Variants in KCTD8 observed in about 807,000 individuals in gnomAD.
KCTD8 encodes the protein potassium channel tetramerization domain containing 8, also known as BTB/POZ domain-containing protein KCTD8.
Under a neutral mutation model 31.5 loss-of-function variants are expected in KCTD8, and 27 were observed. The observed-to-expected ratio is 0.86, with a 90% CI of 0.63 to 1.18. The LOEUF (loss-of-function observed/expected upper bound fraction) is 1.18, where lower values mean the gene tolerates loss of function less well. KCTD8 is among the 50% of genes most tolerant of loss of function. The pLI is 0.00. For synonymous variants in KCTD8, 290 were observed against 280.0 expected (o/e 1.04, Z -0.36); for missense variants, 658 against 647.7 (o/e 1.02, Z -0.17).
At chr4:44,272,955 T>A (rs559957001) in intron 1 of KCTD8, among the ~76,000 whole-genome samples, 7 of 152,142 alleles carry the variant, frequency 4.6e-5, no homozygotes, top group African/African-American at 1.7e-4. Context: ...AAATAGTTCT[T>A]ATGGGGAAGA....
intron 1 of KCTD8, among the ~76,000 whole-genome samples, chr4:44,334,286 T>C (rs916163142): frequency 6.6e-6 from 1 of 152,116 alleles, no homozygotes. Context: ...ACAGTACACA[T>C]TCTGGTTATA....
intron 1 of KCTD8, among the ~76,000 whole-genome samples, chr4:44,396,500 AT>A (rs1466698055): frequency 2.0e-5 from 3 of 151,670 alleles, no homozygotes; most frequent in Non-Finnish European, 4.4e-5. Context: ...GATACTTGCC[AT>A]TTTGTTTCTT....
chr4:44,430,903 G>T (rs1553907623), intron 1 of KCTD8, among the ~76,000 whole-genome samples: 1 of 151,112 alleles, frequency 6.6e-6, no homozygotes. Context: ...AGCCCTGATG[G>T]TTATTTCTCT....
At chr4:44,184,355 T>C (rs1193857758) in intron 1 of KCTD8, among the ~76,000 whole-genome samples, 2 of 152,158 alleles carry the variant, frequency 1.3e-5, no homozygotes, top group Non-Finnish European at 2.9e-5. Flanking sequence ...TGAGGAAAAA[T>C]TGAACTCATT....
intron 1 of KCTD8, among the ~76,000 whole-genome samples, chr4:44,314,892 GA>G (rs79225319): frequency 0.068 from 9,632 of 141,230 alleles, 417 homozygotes; most frequent in Admixed American, 0.16. Context: ...AAAAAAACAG[GA>G]AAAAAAAAAA....
intron 1 of KCTD8, among the ~76,000 whole-genome samples, chr4:44,196,109 C>T (rs1391030508): frequency 6.6e-6 from 1 of 152,182 alleles, no homozygotes; most frequent in Non-Finnish European, 1.5e-5. Context: ...CTAGAACTTG[C>T]TTGAATGCAG....
At position 44,447,949 on chromosome 4, in the gene KCTD8, G is replaced by A. The variant is rs778853493; in HGVS notation, c.575C>T (p.Ala192Val). 2.5e-5 allele frequency: 37 copies of A among 1,498,168 alleles called. No homozygotes were observed. Among genetic ancestry groups the A allele is most frequent in the Middle Eastern group, 1.7e-4 (1 of 5,718 alleles). The allele number at this position is 1,498,168 out of a possible 1,614,324, so 92.8% of individuals were successfully genotyped here. A position where few individuals can be genotyped will look rare whatever the true frequency, so the allele number is the denominator to read the frequency against. The change falls in exon 1 of 2, where the codon GCG becomes GTG. Residue 192 changes from alanine to valine, a missense_variant. Ala to Val is a moderately conservative substitution (Grantham distance 64, BLOSUM62 0). Transcript: ENST00000360029. The stretch of plus-strand genomic sequence containing the variant: ...GCCGCCGCCGCCGCCACCACCGTGC[G>A]CTCCCGGGCCCGAGGGCACGGCGGC... Reference protein sequence around the residue: ...AAAAVPSGPGAHGGGGGGGAQ... With the variant: ...AAAAVPSGPGVHGGGGGGGAQ...
At chr4:44,281,385 A>G (rs1316783162) in intron 1 of KCTD8, among the ~76,000 whole-genome samples, 2 of 152,098 alleles carry the variant, frequency 1.3e-5, no homozygotes, top group Non-Finnish European at 2.9e-5. Context: ...ACAGATTTAG[A>G]AGAAATACAT....
chr4:44,310,768 A>G (rs532164388), intron 1 of KCTD8, among the ~76,000 whole-genome samples: 82 of 152,274 alleles, frequency 5.4e-4, no homozygotes, highest in African/African-American at 1.9e-3. Flanking sequence ...AACCTATTTC[A>G]GTGTCTGAGA....
chr4:44,446,210 A>G (rs934728492), intron 1 of KCTD8, among the ~76,000 whole-genome samples: 15 of 152,186 alleles, frequency 9.9e-5, no homozygotes, highest in African/African-American at 3.6e-4. Flanking sequence ...TTAAGCTTGC[A>G]CCTGTGCAAG....
chr4:44,277,722 C>T (rs1451721620), intron 1 of KCTD8, among the ~76,000 whole-genome samples: 2 of 151,818 alleles, frequency 1.3e-5, no homozygotes, highest in African/African-American at 4.8e-5. Context: ...ATTTTACGTG[C>T]ATCATTATTT....
intron 1 of KCTD8, among the ~76,000 whole-genome samples, chr4:44,212,327 T>C (rs984991854): frequency 2.0e-5 from 3 of 152,222 alleles, no homozygotes; most frequent in African/African-American, 2.4e-5. Flanking sequence ...GGAGGGTACA[T>C]AGGACCTCTC....
intron 1 of KCTD8, among the ~76,000 whole-genome samples, chr4:44,245,786 C>A (rs994517577): frequency 3.3e-5 from 5 of 151,822 alleles, no homozygotes; most frequent in African/African-American, 4.8e-5. Flanking sequence ...GAAAAAGCAG[C>A]TAACTCTTAT....
intron 1 of KCTD8, among the ~76,000 whole-genome samples, chr4:44,338,365 C>T (rs945001464): frequency 2.0e-5 from 3 of 151,908 alleles, no homozygotes; most frequent in South Asian, 2.1e-4. Flanking sequence ...TGAAATATAC[C>T]TAAGAGAAAG....
chr4:44,264,346 C>A (rs79620850), intron 1 of KCTD8, among the ~76,000 whole-genome samples: 3,497 of 152,190 alleles, frequency 0.023, 147 homozygotes, highest in African/African-American at 0.08. Flanking sequence ...ATTTAAATCA[C>A]TTAATAGAGC....
intron 1 of KCTD8, among the ~76,000 whole-genome samples, chr4:44,434,904 G>A (rs1053117952): frequency 7.2e-5 from 11 of 151,826 alleles, no homozygotes; most frequent in Admixed American, 7.2e-4. Context: ...GTCATTCATG[G>A]GATTTTGTGG....
chr4:44,366,417 T>G (rs1401253650), intron 1 of KCTD8, among the ~76,000 whole-genome samples: 3 of 152,200 alleles, frequency 2.0e-5, no homozygotes, highest in African/African-American at 4.8e-5. Context: ...TGTATGGCAC[T>G]TCCCCCTTCG....
chr4:44,382,730 C>CAAAAAAAAAAAAAAAAA (rs34629884), intron 1 of KCTD8, among the ~76,000 whole-genome samples: 1 of 138,480 alleles, frequency 7.2e-6, no homozygotes. Flanking sequence ...AACTCCATTT[C>CAAAAAAAAAAAAAAAAA]AAAAAAAAAA....
At chr4:44,259,342 C>G (rs1170931425) in intron 1 of KCTD8, among the ~76,000 whole-genome samples, 1 of 151,824 alleles carries the variant, frequency 6.6e-6, no homozygotes, top group Non-Finnish European at 1.5e-5. Context: ...CAGCCGGTTT[C>G]TCTTTTAAAC....
Sources: allele counts gnomAD v4.1 joint callset (sites outside exome capture counted in the v4.1 genomes callset), GRCh38; gene constraint gnomAD v4.1.1; transcripts MANE v1.5; gene names NCBI Gene and HGNC (gene_info 2026-07-23, HGNC 2026-07-21).